ANO10: variants seen among roughly 807,000 people sequenced by gnomAD.
The protein encoded by ANO10 is anoctamin 10, also known as anoctamin-10.
A neutral mutation model predicts 74.7 loss-of-function variants in ANO10; 77 were observed. That is an observed-to-expected ratio of 1.03 (90% CI 0.86 to 1.25). The LOEUF is 1.25. ANO10 is among the 50% of genes most tolerant of loss of function. ANO10 has a pLI of 0.00. For missense variants in ANO10, 721 were observed against 778.1 expected (o/e 0.93, Z 0.87); for synonymous variants, 279 against 284.9 (o/e 0.98, Z 0.21).
At chr3:43,527,337 TATG>T (rs1053298897) in intron 11 of ANO10, among the ~76,000 whole-genome samples, 1 of 152,136 alleles carries the variant, frequency 6.6e-6, no homozygotes, top group Non-Finnish European at 1.5e-5. Flanking sequence ...TCAAAATAAG[TATG>T]ATAATTCAAA....
In ANO10 at chr3:43,536,995, C is replaced by CAAAAA. The variant is rs5848666; in HGVS notation, c.1797+12720_1797+12724dup. ...CAAGATACAGAACAATTTCATCACT[C>CAAAAA]AAAAAAAAAAAAAAAAAAAAAGCCC... On this transcript the variant is annotated intron_variant, in intron 11 of 12. Transcript: ENST00000292246. Among the ~76,000 whole-genome samples, 15 of 78,586 alleles carry CAAAAA rather than the reference C, an allele frequency of 1.9e-4. 2 individuals are homozygous for CAAAAA. Among genetic ancestry groups the CAAAAA allele is most frequent in the Non-Finnish European group, 2.6e-4 (11 of 42,048 alleles). The allele number at this position is 78,586 out of a possible 152,430, so 51.6% of individuals were successfully genotyped here.
At chr3:43,486,504 C>T (rs989907483) in intron 11 of ANO10, among the ~76,000 whole-genome samples, 1 of 150,284 alleles carries the variant, frequency 6.7e-6, no homozygotes, top group African/African-American at 2.4e-5. Flanking sequence ...TTGTAGTTCT[C>T]CTTGAAGAAG....
rs919438684 is a variant in ANO10, at chr3:43,687,349, T to C, written c.-12+4168A>G. On this transcript the variant is annotated intron_variant, in intron 1 of 3. Transcript: ENST00000413397. The stretch of plus-strand genomic sequence containing the variant: ...CTCCATGCCCTCACTCTCATTCTGG[T>C]TTGTAAGTGCTTGCTTGGCAGGCTT... Among the ~76,000 whole-genome samples, 8 of 152,296 alleles carry C rather than the reference T, an allele frequency of 5.3e-5. No homozygotes were observed. In the East Asian group the frequency reaches 5.8e-4, roughly 11 times the overall value.
At chr3:43,588,214 T>A (rs1486334489) in intron 4 of ANO10, among the ~76,000 whole-genome samples, 1 of 152,190 alleles carries the variant, frequency 6.6e-6, no homozygotes, top group Non-Finnish European at 1.5e-5. Flanking sequence ...CTATTTTATG[T>A]AAATTGTAAA....
At chr3:43,653,224 A>G (rs1316548431) in intron 1 of ANO10, among the ~76,000 whole-genome samples, 1 of 152,172 alleles carries the variant, frequency 6.6e-6, no homozygotes, top group Non-Finnish European at 1.5e-5. Context: ...AGAAAAAAAA[A>G]GAAAATTATC....
chr3:43,517,040 G>A (rs2077740255), intron 11 of ANO10, among the ~76,000 whole-genome samples: 1 of 152,148 alleles, frequency 6.6e-6, no homozygotes, highest in Non-Finnish European at 1.5e-5. Context: ...GGAGAGCTAT[G>A]CTATAAGAAC....
At chr3:43,457,917 T>C (rs929800303) in intron 11 of ANO10, among the ~76,000 whole-genome samples, 18 of 152,058 alleles carry the variant, frequency 1.2e-4, no homozygotes, top group Non-Finnish European at 2.4e-4. Flanking sequence ...TCAACCAAGA[T>C]GCAAGGCCCC....
At chr3:43,648,035 C>A (rs73087073) in intron 1 of ANO10, among the ~76,000 whole-genome samples, 2 of 152,316 alleles carry the variant, frequency 1.3e-5, no homozygotes, top group Non-Finnish European at 2.9e-5. Context: ...AACCAACCTC[C>A]ATCTAGGTTA....
chr3:43,624,786 G>T (rs1376631635), upstream of ANO10, among the ~76,000 whole-genome samples: 3 of 152,336 alleles, frequency 2.0e-5, no homozygotes, highest in Admixed American at 6.5e-5. Context: ...TCGCAGGAGG[G>T]ATGGAGTAGG....
intron 1 of ANO10, among the ~76,000 whole-genome samples, chr3:43,672,278 C>T (rs1165334109): frequency 1.3e-5 from 2 of 152,102 alleles, no homozygotes; most frequent in Non-Finnish European, 2.9e-5. Flanking sequence ...AATCCCAGCA[C>T]TTTGGGAGGC....
At position 43,418,903 on chromosome 3, in the gene ANO10, G is replaced by A. The variant is rs1236155856; in HGVS notation, c.1914+13708C>T. ...ACAAAGTTTACTGGAACATAGCCAC[G>A]CTCTTTCATTTACGTATGTCTAAGA... On this transcript the variant is annotated intron_variant, in intron 12 of 12. Coordinates refer to ENST00000292246, the MANE Select transcript of ANO10 (RefSeq NM_018075.5). Among the ~76,000 whole-genome samples the A allele has an allele frequency of 5.3e-5, 8 of 152,364 alleles. No individual in the cohort carries two copies. In the East Asian group the frequency reaches 1.3e-3, roughly 26 times the overall value.
At chr3:43,532,068 G>A (rs1249751994) in intron 11 of ANO10, among the ~76,000 whole-genome samples, 1 of 152,172 alleles carries the variant, frequency 6.6e-6, no homozygotes, top group Non-Finnish European at 1.5e-5. Flanking sequence ...GACATCAACT[G>A]TACCTTGCCA....
intron 12 of ANO10, among the ~76,000 whole-genome samples, chr3:43,429,593 C>G (rs2092950715): frequency 6.6e-6 from 1 of 152,088 alleles, no homozygotes; most frequent in Non-Finnish European, 1.5e-5. Flanking sequence ...GTACATTCAG[C>G]TTTTTTTCTT....
intron 12 of ANO10, among the ~76,000 whole-genome samples, chr3:43,418,542 C>G (rs1392801704): frequency 6.6e-6 from 1 of 152,206 alleles, no homozygotes; most frequent in Non-Finnish European, 1.5e-5. Flanking sequence ...TGAACCCCAA[C>G]TTACTCATCA....
intron 11 of ANO10, among the ~76,000 whole-genome samples, chr3:43,458,037 C>T (rs1329874017): frequency 1.3e-5 from 2 of 152,106 alleles, no homozygotes; most frequent in African/African-American, 4.8e-5. Context: ...TGACACTGAG[C>T]TCCAGGCAAC....
Position 43,565,662 on chromosome 3 carries a change from A to G in ANO10, c.1284T>C (p.Leu428=). 6.3e-7 allele frequency: 1 copy of G among 1,583,474 alleles called. No homozygotes were observed. Among genetic ancestry groups the G allele is most frequent in the Non-Finnish European group, 8.6e-7 (1 of 1,163,734 alleles). Residue 428 remains leucine, a synonymous_variant, in exon 8 of 13, where the codon CTT becomes CTC. Coordinates refer to ENST00000292246, the MANE Select transcript of ANO10 (RefSeq NM_018075.5). ...YIAFVLKDMK[L]LRQSLATLLI... The stretch of plus-strand genomic sequence containing the variant: ...TGTTATTTTTACTTACCTGGCGCAA[A>G]AGCTTCATATCTTTCAAGACAAAGG...
intron 12 of ANO10, among the ~76,000 whole-genome samples, chr3:43,409,047 C>G (rs1259011591): frequency 1.3e-5 from 2 of 151,806 alleles, no homozygotes; most frequent in Admixed American, 6.6e-5. Flanking sequence ...AGTGCTGTAC[C>G]TCTAGGTATT....
Position 43,577,053 on chromosome 3 carries a change from G to A in ANO10, c.801C>T (p.Asn267=). ...GCAGTGTCCCCCACCTGTAGGTCATGTTGGCACAGCCACGCTTCCACAGTT... is the reference window on the plus strand; with the variant it reads ...GCAGTGTCCCCCACCTGTAGGTCATATTGGCACAGCCACGCTTCCACAGTT... ...ILELWKRGCA[N]MTYRWGTLLM... The change falls in exon 6 of 13, where the codon AAC becomes AAT. Residue 267 remains asparagine (N), a synonymous_variant. Transcript: ENST00000292246. 1 of 1,614,182 alleles carries A rather than the reference G, an allele frequency of 6.2e-7. No individual in the cohort carries two copies. The highest frequency in any genetic ancestry group is 8.5e-7 in the Non-Finnish European group (1 of 1,180,040).
intron 1 of ANO10, among the ~76,000 whole-genome samples, chr3:43,631,494 C>T (rs981588996): frequency 6.6e-6 from 1 of 152,160 alleles, no homozygotes; most frequent in Admixed American, 6.5e-5. Flanking sequence ...AACTGATTTT[C>T]TATAAATTAG....
Sources: gnomAD v4.1 joint callset for allele counts (sites outside exome capture counted in the v4.1 genomes callset) on GRCh38, gnomAD v4.1.1 for gene constraint, MANE v1.5 for transcripts, NCBI Gene and HGNC (gene_info 2026-07-23, HGNC 2026-07-21) for gene names.